Variants in MAP3K13 observed in about 807,000 individuals in gnomAD.
The protein encoded by MAP3K13 is leucine zipper-bearing kinase.
In MAP3K13, 52 loss-of-function variants were observed where a neutral mutation model predicts 104.0. The observed-to-expected ratio is 0.50, with a 90% CI of 0.40 to 0.63. The LOEUF (loss-of-function observed/expected upper bound fraction) is 0.63, where lower values mean the gene tolerates loss of function less well. Among genes scored for constraint, MAP3K13 ranks in the 20% least tolerant of loss-of-function variants. MAP3K13 has a pLI of 0.00. For missense variants in MAP3K13, 914 were observed against 1,218.5 expected, an observed-to-expected ratio of 0.75 and a Z score of 3.72; for synonymous variants, 394 against 442.2, an observed-to-expected ratio of 0.89 and a Z score of 1.37.
At chr3:185,330,519 C>A (rs376262580) in intron 2 of MAP3K13, among the ~76,000 whole-genome samples, 146 of 152,222 alleles carry the variant, frequency 9.6e-4, no homozygotes, top group African/African-American at 3.4e-3. Context: ...AAGTCAATAG[C>A]TTCTGCTGGG....
At position 185,388,677 on chromosome 3, in the gene MAP3K13, G is replaced by A. The variant is rs145423874; in HGVS notation, c.-86+25309G>A. Among the ~76,000 whole-genome samples the A allele has an allele frequency of 2.8e-3, 423 of 152,030 alleles. 2 individuals carry two copies. The highest frequency in any genetic ancestry group is 9.9e-3 in the African/African-American group (411 of 41,466). On this transcript the variant is annotated intron_variant, in intron 1 of 13. Transcript: ENST00000265026. ...AATGATGTTCTTCACAGAAATAGAC[G>A]AAGCAATCCTAAAATTCATACGGAA... is the stretch of plus-strand genomic sequence containing the variant.
At chr3:185,294,684 T>C (rs1194311439) in intron 2 of MAP3K13, among the ~76,000 whole-genome samples, 2 of 152,218 alleles carry the variant, frequency 1.3e-5, no homozygotes, top group East Asian at 3.8e-4. Context: ...TATATGTAAT[T>C]GACATTTTGT....
intron 1 of MAP3K13, among the ~76,000 whole-genome samples, chr3:185,372,462 G>A (rs1260533802): frequency 6.6e-6 from 1 of 152,162 alleles, no homozygotes; most frequent in Non-Finnish European, 1.5e-5. Context: ...AGACAGACTA[G>A]ACCAGGTTTC....
chr3:185,312,456 G>T (rs980621684), intron 2 of MAP3K13, among the ~76,000 whole-genome samples: 3 of 152,216 alleles, frequency 2.0e-5, no homozygotes, highest in Non-Finnish European at 2.9e-5. Context: ...TTCTGTTGGG[G>T]ATTTTAATGT....
In MAP3K13 at chr3:185,416,085, G is replaced by A. The variant is rs537391356; in HGVS notation, c.-85-12412G>A. ...ATTTTTGTCTCCTATTTTCCATCTT[G>A]CTTTCACCCTTTTGATCTGGTATCT... On this transcript the variant is annotated intron_variant, in intron 1 of 13. Coordinates refer to ENST00000265026, the MANE Select transcript of MAP3K13 (RefSeq NM_004721.5). Among the ~76,000 whole-genome samples, 135 of 152,160 alleles carry A rather than the reference G, an allele frequency of 8.9e-4. 1 individual carries two copies. Among genetic ancestry groups the A allele is most frequent in the African/African-American group, 3.0e-3 (125 of 41,516 alleles).
At chr3:185,457,058 A>G (rs887062140) in intron 7 of MAP3K13, among the ~76,000 whole-genome samples, 1 of 152,158 alleles carries the variant, frequency 6.6e-6, no homozygotes, top group Non-Finnish European at 1.5e-5. Context: ...GTCCTCCTAA[A>G]ACGTCACTTC....
At chr3:185,308,708 T>C (rs1188164297) in intron 2 of MAP3K13, among the ~76,000 whole-genome samples, 1 of 152,200 alleles carries the variant, frequency 6.6e-6, no homozygotes, top group Non-Finnish European at 1.5e-5. Context: ...CTTGGGCACT[T>C]CCCTAAAAAG....
At chr3:185,429,138 C>T (rs1178196113) in intron 2 of MAP3K13, 82 bp downstream of exon 2, 12 of 1,350,250 alleles carry the variant, frequency 8.9e-6, no homozygotes, top group Non-Finnish European at 1.2e-5. Context: ...AGCTGGATAA[C>T]CTATGACCTT....
At chr3:185,455,786 GAT>G (rs1357117086) in intron 7 of MAP3K13, among the ~76,000 whole-genome samples, 9 of 49,856 alleles carry the variant, frequency 1.8e-4, no homozygotes, top group African/African-American at 5.7e-4. Flanking sequence ...ATATATATGA[GAT>G]ATATATATGA....
chr3:185,439,740 TTC>T (rs948119550), intron 3 of MAP3K13, among the ~76,000 whole-genome samples: 6 of 152,192 alleles, frequency 3.9e-5, no homozygotes, highest in African/African-American at 1.4e-4. Context: ...TTTTGCTTCT[TTC>T]TCTTTCTTCC....
At chr3:185,406,613 A>C (rs1384426869) in intron 1 of MAP3K13, among the ~76,000 whole-genome samples, 1 of 152,234 alleles carries the variant, frequency 6.6e-6, no homozygotes, top group Non-Finnish European at 1.5e-5. Context: ...ACTAATCCCA[A>C]AGCCTAGATG....
intron 7 of MAP3K13, among the ~76,000 whole-genome samples, chr3:185,458,373 A>G (rs1418778504): frequency 1.3e-5 from 2 of 151,912 alleles, no homozygotes; most frequent in Non-Finnish European, 2.9e-5. Context: ...ATCTCAAAAA[A>G]AAAAAAAAAA....
intron 7 of MAP3K13, among the ~76,000 whole-genome samples, chr3:185,451,867 C>CAAAAAAAAAAAAAAAAAAAA (rs1265471490): frequency 1.8e-5 from 1 of 54,850 alleles, no homozygotes. Flanking sequence ...AACACCGCCT[C>CAAAAAAAAAAAAAAAAAAAA]AAAAAAAAAA....
intron 2 of MAP3K13, chr3:185,291,648 C>T (rs1720743728): frequency 2.6e-6 from 4 of 1,532,120 alleles, no homozygotes; most frequent in Non-Finnish European, 3.5e-6. Flanking sequence ...CATGGCCTAT[C>T]ATCATTATGC....
intron 1 of MAP3K13, among the ~76,000 whole-genome samples, chr3:185,385,512 C>A (rs1171117897): frequency 6.6e-6 from 1 of 150,570 alleles, no homozygotes. Flanking sequence ...AACACGAATT[C>A]TTCTCAAACT....
chr3:185,347,410 CTATT>C (rs1202648600), intron 2 of MAP3K13, among the ~76,000 whole-genome samples: 1 of 152,182 alleles, frequency 6.6e-6, no homozygotes, highest in Admixed American at 6.5e-5. Context: ...TTATACATCT[CTATT>C]TACTCTATTT....
upstream of MAP3K13, among the ~76,000 whole-genome samples, chr3:185,360,823 T>C (rs1339536186): frequency 2.9e-5 from 1 of 34,400 alleles, no homozygotes; most frequent in African/African-American, 5.7e-5. Context: ...TTTAGCTTTT[T>C]TTTTTTTTTT....
At chr3:185,388,114 C>A (rs1307660508) in intron 1 of MAP3K13, among the ~76,000 whole-genome samples, 5 of 148,964 alleles carry the variant, frequency 3.4e-5, no homozygotes, top group Non-Finnish European at 4.4e-5. Context: ...ATCCCATTTA[C>A]AATTGCTACC....
rs1245142546 is a variant in MAP3K13 at position 185,451,307 on chromosome 3, G to A, written c.1190G>A (p.Arg397Gln). ...KQTWQSKPRN[R>Q]PSFRQTLMHL... ...TTTAGGCAGAGTAAACCTCGAAACC[G>A]ACCTTCTTTTCGGCAGACACTCATG... The change falls in exon 7 of 14, where the codon CGA (arginine) becomes CAA (glutamine). Residue 397 changes from arginine (R) to glutamine (Q), a missense_variant. Arg to Gln is a conservative substitution (Grantham distance 43). Coordinates refer to ENST00000265026, the MANE Select transcript of MAP3K13 (RefSeq NM_004721.5). 5 of 1,612,404 alleles carry A rather than the reference G, an allele frequency of 3.1e-6. No individual in the cohort carries two copies. Among genetic ancestry groups the A allele is most frequent in the Non-Finnish European group, 4.2e-6 (5 of 1,179,238 alleles).
Sources: gnomAD v4.1 joint callset for allele counts (sites outside exome capture counted in the v4.1 genomes callset) on GRCh38, gnomAD v4.1.1 for gene constraint, MANE v1.5 for transcripts, NCBI Gene and HGNC (gene_info 2026-07-23, HGNC 2026-07-21) for gene names.